LCTL: variants seen among roughly 807,000 people sequenced by gnomAD.
LCTL encodes the protein lactase like.
A neutral mutation model predicts 75.8 loss-of-function variants in LCTL; 76 were observed. The ratio of observed to expected loss-of-function variants is 1.00; its 90% CI spans 0.83 to 1.21. The LOEUF (loss-of-function observed/expected upper bound fraction) is 1.21. Among genes scored for constraint, LCTL ranks in the 50% most tolerant of loss-of-function variants. LCTL has a pLI of 0.00. For missense variants in LCTL, 670 were observed against 712.4 expected (o/e 0.94, Z 0.68); for synonymous variants, 271 against 268.8 (o/e 1.01, Z -0.08).
chr15:66,565,426 A>G, exon 1 of LCTL: 1 of 1,100,278 alleles, frequency 9.1e-7, no homozygotes. Context: ...CCCTGCAGCC[A>G]GGCTGATGGC....
At chr15:66,562,950 G>C (rs1363833309) in intron 4 of LCTL, among the ~76,000 whole-genome samples, 2 of 152,144 alleles carry the variant, frequency 1.3e-5, no homozygotes, top group Admixed American at 1.3e-4. Flanking sequence ...AAGTTTTTTA[G>C]AAAACAAAAG....
chr15:66,557,834 A>T (rs1895776207), exon 8 of LCTL: 1 of 1,614,158 alleles, frequency 6.2e-7, no homozygotes, highest in African/African-American at 1.3e-5. Context: ...TGGGGTTACT[A>T]ATGTCCACAG....
At chr15:66,557,425 T>C (rs1205986258) in intron 8 of LCTL, among the ~76,000 whole-genome samples, 1 of 151,906 alleles carries the variant, frequency 6.6e-6, no homozygotes, top group Non-Finnish European at 1.5e-5. Context: ...TTGACTGCAG[T>C]TAAAGTGGGG....
intron 8 of LCTL, among the ~76,000 whole-genome samples, chr15:66,555,142 A>G (rs1162682638): frequency 6.6e-6 from 1 of 152,226 alleles, no homozygotes; most frequent in African/African-American, 2.4e-5. Flanking sequence ...ATTAGCATAA[A>G]GCAAATAAAA....
chr15:66,561,263 A>G (rs1275096751), exon 5 of LCTL: 3 of 1,614,072 alleles, frequency 1.9e-6, no homozygotes, highest in Non-Finnish European at 2.5e-6. Flanking sequence ...GTAGTCTCTG[A>G]AGTAGTTGGC....
intron 2 of LCTL, chr15:66,564,227 T>G (rs1223355547): frequency 5.3e-6 from 3 of 570,340 alleles, no homozygotes; most frequent in Non-Finnish European, 9.4e-6. Context: ...GAGAAGTCCA[T>G]CAGGGTGCCC....
At chr15:66,557,086 G>A (rs751354562) in intron 8 of LCTL, among the ~76,000 whole-genome samples, 8 of 152,088 alleles carry the variant, frequency 5.3e-5, no homozygotes, top group Non-Finnish European at 8.8e-5. Context: ...ATTGGTTGAT[G>A]GGCTAACTGA....
chr15:66,555,562 A>T (rs1319574133), intron 8 of LCTL, among the ~76,000 whole-genome samples: 1 of 152,122 alleles, frequency 6.6e-6, no homozygotes, highest in Non-Finnish European at 1.5e-5. Context: ...AAAAGAAAGA[A>T]AGAAAAAGAA....
At chr15:66,562,687 C>T (rs796650426) in intron 4 of LCTL, among the ~76,000 whole-genome samples, 8 of 151,584 alleles carry the variant, frequency 5.3e-5, no homozygotes, top group East Asian at 2.0e-4. Flanking sequence ...CGGGTTCAAG[C>T]GATTGTCCTG....
In LCTL at chr15:66,561,354, G is replaced by A. The variant is rs148283242; in HGVS notation, c.481-39C>T. 162 of 1,612,786 alleles carry A rather than the reference G, an allele frequency of 1.0e-4. No individual in the cohort carries two copies. In the African/African-American group the frequency reaches 1.6e-3, roughly 16 times the overall value. ...GAAGCAGATGCCCCATGAATGAACC[G>A]CAAAGCGGTTTAAATGTGGAGATAA... On this transcript the variant is annotated intron_variant, in intron 4 of 12. Coordinates refer to ENST00000341509, the Ensembl canonical transcript of LCTL.
chr15:66,564,013 G>T lies in LCTL; in HGVS notation c.283-15C>A, dbSNP rs370398855. 1.3e-6 allele frequency: 2 copies of T among 1,594,350 alleles called. No homozygotes were observed. Among genetic ancestry groups the T allele is most frequent in the East Asian group, 2.2e-5 (1 of 44,790 alleles). On this transcript the variant is annotated splice_polypyrimidine_tract_variant and intron_variant, in intron 2 of 12. Transcript: ENST00000341509. ...ATGATGTCCTCCTGTGCAGACAGGG[G>T]TGGGGAGACAGGTCACCTGGGCCCT...
intron 8 of LCTL, among the ~76,000 whole-genome samples, chr15:66,555,263 T>C (rs1169134038): frequency 2.0e-5 from 3 of 152,166 alleles, no homozygotes; most frequent in Non-Finnish European, 4.4e-5. Flanking sequence ...TATTAAAATA[T>C]AGTGACCGAA....
At chr15:66,551,078 G>T (rs12908873) in intron 11 of LCTL, among the ~76,000 whole-genome samples, 13,383 of 151,972 alleles carry the variant, frequency 0.088, 764 homozygotes, top group Middle Eastern at 0.13. Context: ...GCCAGGCGCG[G>T]TGGCTCACGC....
At chr15:66,557,655 T>C (rs1895769586) in intron 8 of LCTL, 67 bp downstream of exon 9, 1 of 1,529,732 alleles carries the variant, frequency 6.5e-7, no homozygotes. Context: ...CCCCTGCCTT[T>C]TGCTTGTTTC....
exon 5 of LCTL, chr15:66,561,205 G>A: frequency 6.2e-7 from 1 of 1,614,220 alleles, no homozygotes; most frequent in Non-Finnish European, 8.5e-7. Flanking sequence ...CACTGAACGT[G>A]ATCCAGTGCT....
In LCTL at chr15:66,564,976, C is replaced by A. The variant is rs1895987859; in HGVS notation, c.119-137G>T. 5 of 815,184 alleles carry A rather than the reference C, an allele frequency of 6.1e-6. No individual in the cohort carries two copies. In the South Asian group the frequency reaches 8.5e-5, roughly 14 times the overall value. The allele number at this position is 815,184 out of a possible 1,614,324, so 50.5% of individuals were successfully genotyped here. A position where few individuals can be genotyped will look rare whatever the true frequency, so the allele number is the denominator to read the frequency against. ...CCCTGTCCCACTGGGGACTTGTCTT[C>A]CTAGGAGTGTGAGCACATGAGGCAC... is the stretch of plus-strand genomic sequence containing the variant. On this transcript the variant is annotated intron_variant, in intron 1 of 12. Coordinates refer to ENST00000341509, the Ensembl canonical transcript of LCTL.
chr15:66,557,656 T>G (rs1895769640), intron 8 of LCTL, 66 bp downstream of exon 9: 1 of 1,533,674 alleles, frequency 6.5e-7, no homozygotes, highest in Non-Finnish European at 8.9e-7. Context: ...CCCTGCCTTT[T>G]GCTTGTTTCA....
exon 13 of LCTL, chr15:66,547,686 G>A (rs1236698833): frequency 6.6e-6 from 1 of 152,166 alleles, no homozygotes; most frequent in Non-Finnish European, 1.5e-5. Context: ...AGACTAAAGT[G>A]TCAGAAGAGT....
At chr15:66,553,324 A>G in intron 8 of LCTL, 66 bp from the exon 10 acceptor site, 4 of 1,293,760 alleles carry the variant, frequency 3.1e-6, no homozygotes, top group Non-Finnish European at 3.1e-6. Context: ...GTTATGTATC[A>G]TGACGATAGT....
Sources: allele counts gnomAD v4.1 joint callset (sites outside exome capture counted in the v4.1 genomes callset), GRCh38; gene constraint gnomAD v4.1.1; transcripts MANE v1.5; gene names NCBI Gene and HGNC (gene_info 2026-07-23, HGNC 2026-07-21).